CACNB2: variants seen among roughly 807,000 people sequenced by gnomAD.
CACNB2 encodes the protein voltage-dependent L-type calcium channel subunit beta-2.
CACNB2 carries 42 observed loss-of-function variants against 73.3 expected under a neutral mutation model. That is an observed-to-expected ratio of 0.57 (90% CI 0.45 to 0.74). The LOEUF (loss-of-function observed/expected upper bound fraction) is 0.74. Ranked by LOEUF, CACNB2 falls within the 30% of genes least tolerant of loss-of-function variation. CACNB2 has a pLI of 0.00. For missense variants in CACNB2, 940 were observed against 853.0 expected, an observed-to-expected ratio of 1.10 and a Z score of -1.27; for synonymous variants, 348 against 310.3, an observed-to-expected ratio of 1.12 and a Z score of -1.28.
chr10:18,407,875 A>G (rs1330183985), intron 3 of CACNB2, among the ~76,000 whole-genome samples: 1 of 152,128 alleles, frequency 6.6e-6, no homozygotes. Context: ...CTCTAAAGAT[A>G]CTAATTTTTT....
chr10:18,221,505 C>G (rs539315565), intron 2 of CACNB2, among the ~76,000 whole-genome samples: 1 of 152,128 alleles, frequency 6.6e-6, no homozygotes, highest in Admixed American at 6.5e-5. Context: ...ATGGTGAAGC[C>G]CTGTCTCTAC....
intron 3 of CACNB2, among the ~76,000 whole-genome samples, chr10:18,418,531 A>C (rs758921937): frequency 3.3e-5 from 5 of 152,210 alleles, no homozygotes; most frequent in Non-Finnish European, 7.3e-5. Context: ...GGCAGATAAG[A>C]TTGAAAACCT....
intron 3 of CACNB2, among the ~76,000 whole-genome samples, chr10:18,491,221 T>C (rs995437957): frequency 6.6e-6 from 1 of 152,250 alleles, no homozygotes; most frequent in Admixed American, 6.5e-5. Flanking sequence ...GTATTTATGA[T>C]GGACCATGCA....
rs373972824 is a variant in CACNB2 at position 18,149,004 on chromosome 10, C to CAAA, written c.121-1864_121-1862dup. ...TGGGTGACAGCACAAGACACTGTCT[C>CAAA]AAAAAAAAAAAAAAAAATGGGATGA... On this transcript the variant is annotated intron_variant, in intron 1 of 13. Transcript: ENST00000324631. Among the ~76,000 whole-genome samples, 227 of 110,480 alleles carry CAAA rather than the reference C, an allele frequency of 2.1e-3. 2 individuals carry two copies. Among genetic ancestry groups the CAAA allele is most frequent in the Middle Eastern group, 5.7e-3 (1 of 176 alleles). 72.5% of individuals were successfully genotyped at this position (110,480 alleles called of 152,430 possible).
intron 3 of CACNB2, among the ~76,000 whole-genome samples, chr10:18,453,327 G>A (rs149450460): frequency 6.6e-5 from 10 of 152,304 alleles, no homozygotes; most frequent in African/African-American, 2.2e-4. Flanking sequence ...AAGGCAGTGC[G>A]TAAACTAGCT....
rs557176698 is a variant in CACNB2, at chr10:18,360,125, G to T, written c.214-41799G>T. On this transcript the variant is annotated intron_variant, in intron 2 of 13. Transcript: ENST00000324631. Reference sequence around the variant, plus strand: ...ATCAACATTGTAAGAACAGGGGAATGAACTTTGAAGTTTCTTTGACATCAG... The same window carrying T: ...ATCAACATTGTAAGAACAGGGGAATTAACTTTGAAGTTTCTTTGACATCAG... 2.6e-5 allele frequency among the ~76,000 whole-genome samples: 4 copies of T among 152,274 alleles called. No homozygotes were observed. In the South Asian group the frequency reaches 8.3e-4, roughly 32 times the overall value.
intron 3 of CACNB2, among the ~76,000 whole-genome samples, chr10:18,466,964 G>A (rs2047922131): frequency 6.6e-6 from 1 of 152,126 alleles, no homozygotes; most frequent in African/African-American, 2.4e-5. Flanking sequence ...GAGCAGCCTG[G>A]CCAACATGGT....
chr10:18,489,582 ACT>A (rs1354137061), intron 3 of CACNB2, among the ~76,000 whole-genome samples: 1 of 152,048 alleles, frequency 6.6e-6, no homozygotes, highest in Non-Finnish European at 1.5e-5. Flanking sequence ...GGCTGGGAGA[ACT>A]TTTTTGAGCC....
chr10:18,398,667 TCA>T (rs755907676), intron 2 of CACNB2, among the ~76,000 whole-genome samples: 253 of 132,050 alleles, frequency 1.9e-3, no homozygotes, highest in African/African-American at 4.6e-3. Context: ...AGTGAGACTG[TCA>T]CACACACACA....
chr10:18,461,433 T>C (rs913997988), intron 3 of CACNB2, among the ~76,000 whole-genome samples: 2 of 152,154 alleles, frequency 1.3e-5, no homozygotes, highest in South Asian at 4.1e-4. Context: ...TCAAATCCAG[T>C]GTTCATGACT....
At chr10:18,323,528 G>A (rs993439525) in intron 2 of CACNB2, among the ~76,000 whole-genome samples, 2 of 151,884 alleles carry the variant, frequency 1.3e-5, no homozygotes, top group Non-Finnish European at 2.9e-5. Flanking sequence ...AACACTCATC[G>A]AATCATAGTA....
chr10:18,148,700 A>AT (rs1425526569), intron 1 of CACNB2, among the ~76,000 whole-genome samples: 1 of 152,192 alleles, frequency 6.6e-6, no homozygotes, highest in African/African-American at 2.4e-5. Context: ...GTTCATTTAA[A>AT]AACGGTACTG....
intron 2 of CACNB2, among the ~76,000 whole-genome samples, chr10:18,339,531 A>G (rs143054641): frequency 1.8e-3 from 279 of 152,048 alleles, no homozygotes; most frequent in African/African-American, 5.1e-3. Flanking sequence ...TAAATAAATA[A>G]CTAAGATATT....
chr10:18,210,189 G>C (rs1449920359), intron 2 of CACNB2, among the ~76,000 whole-genome samples: 2 of 152,188 alleles, frequency 1.3e-5, no homozygotes, highest in African/African-American at 4.8e-5. Context: ...GAGTAATGAG[G>C]CTTTTAGATT....
intron 2 of CACNB2, among the ~76,000 whole-genome samples, chr10:18,333,228 C>T (rs761155730): frequency 8.5e-5 from 13 of 152,118 alleles, no homozygotes; most frequent in South Asian, 2.1e-4. Flanking sequence ...AAAAAAGGCT[C>T]ATTTATTTGA....
rs1564353886 is a variant in CACNB2, at chr10:18,220,230, T to TGGGTGGG, written c.213+69255_213+69256insGGGTGGG. 3.6e-3 allele frequency among the ~76,000 whole-genome samples: 123 copies of TGGGTGGG among 34,436 alleles called. 1 individual carries two copies. Among genetic ancestry groups the TGGGTGGG allele is most frequent in the South Asian group, 5.8e-3 (6 of 1,032 alleles). 22.6% of individuals were successfully genotyped at this position (34,436 alleles called of 152,430 possible). On this transcript the variant is annotated intron_variant, in intron 2 of 13. Coordinates refer to ENST00000324631, the MANE Select transcript of CACNB2 (RefSeq NM_201596.3). ...ATATATATATATATATATATATATATATAGAGAGAGAGAGAGAGAGAGAGA... is the reference window on the plus strand; with the variant it reads ...ATATATATATATATATATATATATATGGGTGGGATAGAGAGAGAGAGAGAGAGAGAGA...
chr10:18,192,160 G>C (rs1222110860), intron 2 of CACNB2, among the ~76,000 whole-genome samples: 1 of 151,970 alleles, frequency 6.6e-6, no homozygotes, highest in Non-Finnish European at 1.5e-5. Flanking sequence ...CAAAGGTACA[G>C]TCTGTTGTTT....
chr10:18,505,725 G>T (rs2050453070), intron 5 of CACNB2, among the ~76,000 whole-genome samples: 1 of 152,108 alleles, frequency 6.6e-6, no homozygotes, highest in African/African-American at 2.4e-5. Flanking sequence ...CTAGTAGGCT[G>T]GTGAAAAACA....
intron 2 of CACNB2, among the ~76,000 whole-genome samples, chr10:18,202,247 T>C (rs1254566211): frequency 6.6e-6 from 1 of 152,190 alleles, no homozygotes; most frequent in Non-Finnish European, 1.5e-5. Flanking sequence ...GATAACCCTA[T>C]TGACTTTCCC....
Sources: gnomAD v4.1 joint callset for allele counts (sites outside exome capture counted in the v4.1 genomes callset) on GRCh38, gnomAD v4.1.1 for gene constraint, MANE v1.5 for transcripts, NCBI Gene and HGNC (gene_info 2026-07-23, HGNC 2026-07-21) for gene names.